PPEF2: variants seen among roughly 807,000 people sequenced by gnomAD.
PPEF2 encodes protein phosphatase with EF-hand domain 2.
PPEF2 carries 84 observed loss-of-function variants against 84.7 expected under a neutral mutation model. The observed-to-expected ratio is 0.99, with a 90% CI of 0.83 to 1.19. The LOEUF (loss-of-function observed/expected upper bound fraction) is 1.19. PPEF2 is among the 50% of genes most tolerant of loss of function. The probability of loss-of-function intolerance (pLI) is 0.00; values close to 1 mark genes in which losing one functional copy is unlikely to be tolerated. For synonymous variants in PPEF2, 346 were observed against 345.2 expected (o/e 1.00, Z -0.03); for missense variants, 924 against 937.5 (o/e 0.99, Z 0.19).
At chr4:75,899,551 A>G (rs1458766909) in intron 1 of PPEF2, among the ~76,000 whole-genome samples, 2 of 152,068 alleles carry the variant, frequency 1.3e-5, no homozygotes, top group Admixed American at 6.6e-5. Flanking sequence ...CTCCTCCGCT[A>G]TTTTTGAAGG....
At position 75,873,204 on chromosome 4, in the gene PPEF2, G is replaced by A. The variant is rs1347981304; in HGVS notation, c.1429C>T (p.Gln477Ter). ...ATCAGGAATTGCATGTTGTATTTTT[G>A]TAGCAACTGTTGTGTCACATCAGGC... ...FGPDVTQQLL[Q>*]KYNMQFLIRS... is the part of the protein sequence containing the mutation. The change falls in exon 12 of 17, where the codon CAA (glutamine) becomes TAA (stop). Residue 477 changes from glutamine (Q) to a stop codon, truncating the protein, a stop_gained. Transcript: ENST00000286719. LOFTEE classifies it high-confidence loss of function. 6.2e-7 allele frequency: 1 copy of A among 1,614,048 alleles called. No individual in the cohort carries two copies. The highest frequency in any genetic ancestry group is 8.5e-7 in the Non-Finnish European group (1 of 1,179,940).
In PPEF2 at chr4:75,872,148, G is replaced by A. The variant is rs1724297463; in HGVS notation, c.1526C>T (p.Ala509Val). Residue 509 changes from alanine (A) to valine (V), a missense_variant, in exon 13 of 17, where the codon GCC (alanine) becomes GTC (valine). Ala to Val is a moderately conservative substitution (Grantham distance 64, BLOSUM62 0). Coordinates refer to ENST00000286719, the MANE Select transcript of PPEF2 (RefSeq NM_006239.3). ...HNRKVLTIFSASNYYEVGSNR... is the reference protein window; with the variant it reads ...HNRKVLTIFSVSNYYEVGSNR... ...GCTGCCAACTTCATAGTAGTTGGAG[G>A]CAGAAAAGATTGTTAATACCTACAT... is the stretch of plus-strand genomic sequence containing the variant. 1 of 1,613,604 alleles carries A rather than the reference G, an allele frequency of 6.2e-7. No individual in the cohort carries two copies.
At chr4:75,897,879 C>A (rs908314501) in intron 1 of PPEF2, among the ~76,000 whole-genome samples, 1 of 152,186 alleles carries the variant, frequency 6.6e-6, no homozygotes, top group Non-Finnish European at 1.5e-5. Flanking sequence ...ATTAAAGACA[C>A]ACACACAGAA....
chr4:75,868,904 G>A (rs1724199293), intron 13 of PPEF2, among the ~76,000 whole-genome samples: 1 of 152,126 alleles, frequency 6.6e-6, no homozygotes, highest in African/African-American at 2.4e-5. Flanking sequence ...AGTTACTTGG[G>A]AGACTATGGC....
chr4:75,882,314 T>C (rs1278107090), intron 10 of PPEF2, among the ~76,000 whole-genome samples: 2 of 152,200 alleles, frequency 1.3e-5, no homozygotes, highest in Non-Finnish European at 2.9e-5. Flanking sequence ...GATGTAGTAG[T>C]AGGCACTAAA....
rs143974544 is a variant in PPEF2, at chr4:75,887,749, G to C, written c.532+465C>G. On this transcript the variant is annotated intron_variant, in intron 6 of 16. Coordinates refer to ENST00000286719, the MANE Select transcript of PPEF2 (RefSeq NM_006239.3). The stretch of plus-strand genomic sequence containing the variant: ...GGAGCCTCCACTAGGTTAAGGTGTG[G>C]GATGTCTGTCTACAGTGGATGTTAA... 2.4e-3 allele frequency among the ~76,000 whole-genome samples: 359 copies of C among 152,312 alleles called. 2 individuals carry two copies. Among genetic ancestry groups the C allele is most frequent in the African/African-American group, 8.3e-3 (345 of 41,566 alleles).
chr4:75,868,093 T>C (rs985092514), intron 13 of PPEF2, among the ~76,000 whole-genome samples: 1 of 151,418 alleles, frequency 6.6e-6, no homozygotes, highest in African/African-American at 2.4e-5. Flanking sequence ...GTGGATTCCT[T>C]GAGCCCAGGA....
At chr4:75,867,985 C>A (rs2047977) in intron 13 of PPEF2, among the ~76,000 whole-genome samples, 1 of 152,128 alleles carries the variant, frequency 6.6e-6, no homozygotes, top group Non-Finnish European at 1.5e-5. Flanking sequence ...AAAGTAAGTG[C>A]TCAATAAATA....
At position 75,872,167 on chromosome 4, in the gene PPEF2, C is replaced by A. The variant is rs770766160; in HGVS notation, c.1507G>T (p.Val503Leu). The A allele has an allele frequency of 6.8e-6, 11 of 1,612,526 alleles. No homozygotes were observed. Among genetic ancestry groups the A allele is most frequent in the Non-Finnish European group, 8.5e-6 (10 of 1,179,510 alleles). The change falls in exon 13 of 17, where the codon GTA (valine) becomes TTA (leucine). Residue 503 changes from valine (V) to leucine (L), a missense_variant and splice_region_variant. Val to Leu is a conservative substitution (Grantham distance 32, BLOSUM62 1). Transcript: ENST00000286719. The part of the protein sequence containing the change: ...EGYEFCHNRK[V>L]LTIFSASNYY... ...TTGGAGGCAGAAAAGATTGTTAATA[C>A]CTACATCAAAACAGAAGAGAGACAG...
intron 13 of PPEF2, among the ~76,000 whole-genome samples, chr4:75,871,549 C>T (rs772656277): frequency 1.3e-5 from 2 of 152,122 alleles, no homozygotes; most frequent in Admixed American, 1.3e-4. Flanking sequence ...TGGCTCACTG[C>T]AAACTCTACC....
chr4:75,870,280 C>T (rs1395831402), intron 13 of PPEF2, among the ~76,000 whole-genome samples: 19 of 152,150 alleles, frequency 1.2e-4, no homozygotes, highest in Admixed American at 1.2e-3. Flanking sequence ...GGATGAGGCT[C>T]AAATGGCTGA....
intron 8 of PPEF2, 57 bp from the exon 9 acceptor site, chr4:75,883,259 A>G: frequency 6.7e-7 from 1 of 1,499,756 alleles, no homozygotes; most frequent in Admixed American, 1.7e-5. Context: ...TAATCAGGGC[A>G]TAATCACATT....
At position 75,880,001 on chromosome 4, in the gene PPEF2, G is replaced by A. The variant is rs370065999; in HGVS notation, c.933+2925C>T. ...GCGTCACCACATCCAGCTAATTTTT[G>A]TACTTTTAGTAGAGACGGGGGTTTC... On this transcript the variant is annotated intron_variant, in intron 10 of 16. Transcript: ENST00000286719. Among the ~76,000 whole-genome samples, 102 of 151,872 alleles carry A rather than the reference G, an allele frequency of 6.7e-4. 1 individual carries two copies. The South Asian group carries it at 0.017, about 26-fold the overall frequency.
intron 12 of PPEF2, 90 bp from the exon 13 acceptor site, chr4:75,872,257 C>T: frequency 7.8e-7 from 1 of 1,275,258 alleles, no homozygotes; most frequent in Non-Finnish European, 1.1e-6. Context: ...ACTGCAGAAG[C>T]TGCTGTTTCT....
In PPEF2 at chr4:75,876,284, C is replaced by T. The variant is rs749885276; in HGVS notation, c.1320+3G>A. On this transcript the variant is annotated splice_donor_region_variant and intron_variant, in intron 11 of 16. Transcript: ENST00000286719. ...CTAGGAAGCAGCGCCTGGCCACGCT[C>T]ACCTGCCTCCACTCCTCCTGAGTGG... is the stretch of plus-strand genomic sequence containing the variant. The T allele has an allele frequency of 6.3e-7, 1 of 1,593,378 alleles. No individual in the cohort carries two copies. Among genetic ancestry groups the T allele is most frequent in the Non-Finnish European group, 8.6e-7 (1 of 1,169,280 alleles).
chr4:75,882,229 C>G (rs946588906), intron 10 of PPEF2, among the ~76,000 whole-genome samples: 1 of 152,162 alleles, frequency 6.6e-6, no homozygotes, highest in Admixed American at 6.6e-5. Context: ...ACATAGTAAG[C>G]ACTCAAAGCA....
At chr4:75,863,156 G>C (rs1174790601) in intron 16 of PPEF2, among the ~76,000 whole-genome samples, 2 of 152,042 alleles carry the variant, frequency 1.3e-5, no homozygotes, top group Non-Finnish European at 2.9e-5. Flanking sequence ...TAGGGAATGA[G>C]GAGTAATTGC....
intron 1 of PPEF2, among the ~76,000 whole-genome samples, chr4:75,896,640 C>A (rs952209012): frequency 6.6e-6 from 1 of 152,172 alleles, no homozygotes; most frequent in African/African-American, 2.4e-5. Context: ...AATTCATCCG[C>A]CACCTCCTCC....
At chr4:75,862,671 A>G (rs942473204) in intron 16 of PPEF2, among the ~76,000 whole-genome samples, 3 of 152,218 alleles carry the variant, frequency 2.0e-5, no homozygotes, top group Non-Finnish European at 4.4e-5. Flanking sequence ...GAGGATGTAG[A>G]GAAACTGGAA....
Sources: gnomAD v4.1 joint callset for allele counts (sites outside exome capture counted in the v4.1 genomes callset) on GRCh38, gnomAD v4.1.1 for gene constraint, MANE v1.5 for transcripts, NCBI Gene and HGNC (gene_info 2026-07-23, HGNC 2026-07-21) for gene names.